The following LSAMP variants were observed in gnomAD, a reference collection of about 807,000 sequenced individuals.
The protein encoded by LSAMP is limbic system-associated membrane protein.
In LSAMP, 7 loss-of-function variants were observed where a neutral mutation model predicts 38.6. The observed-to-expected ratio is 0.18, with a 90% CI of 0.10 to 0.34. The LOEUF is 0.34. LSAMP is among the 10% of genes least tolerant of loss of function. The probability of loss-of-function intolerance (pLI) is 1.00; values close to 1 mark genes in which losing one functional copy is unlikely to be tolerated. For missense variants in LSAMP, 313 were observed against 420.0 expected (o/e 0.75, Z 2.23); for synonymous variants, 154 against 166.8 (o/e 0.92, Z 0.59).
chr3:116,359,441 G>A (rs371563008), intron 1 of LSAMP, among the ~76,000 whole-genome samples: 8 of 152,192 alleles, frequency 5.3e-5, no homozygotes, highest in African/African-American at 1.9e-4. Flanking sequence ...TGGTAAAACC[G>A]ACTGGATGTC....
rs114598826 is a variant in LSAMP, at chr3:116,088,113, A to C, written c.156-1557T>G. ...TTGCTGTGTTGTCCAGGCTAGCCTCAAGTGATCTTCCCAACTTGGCCTCCC... is the reference window on the plus strand; with the variant it reads ...TTGCTGTGTTGTCCAGGCTAGCCTCCAGTGATCTTCCCAACTTGGCCTCCC... On this transcript the variant is annotated intron_variant, in intron 1 of 6. Coordinates refer to ENST00000490035, the MANE Select transcript of LSAMP (RefSeq NM_002338.5). Among the ~76,000 whole-genome samples, 1,326 of 152,122 alleles carry C rather than the reference A, an allele frequency of 8.7e-3. 18 individuals are homozygous for C. The highest frequency in any genetic ancestry group is 0.028 in the African/African-American group (1,182 of 41,474).
At chr3:115,979,228 C>T (rs1432718918) in intron 3 of LSAMP, among the ~76,000 whole-genome samples, 2 of 151,506 alleles carry the variant, frequency 1.3e-5, no homozygotes, top group African/African-American at 2.4e-5. Flanking sequence ...ATAAGTTGGT[C>T]GTATTGAAGC....
intron 1 of LSAMP, among the ~76,000 whole-genome samples, chr3:116,230,835 T>C (rs963847723): frequency 2.6e-5 from 4 of 151,930 alleles, no homozygotes; most frequent in Non-Finnish European, 5.9e-5. Context: ...CAAGTAAAAA[T>C]TAATTAAAAT....
At chr3:116,058,598 A>C (rs146176966) in intron 2 of LSAMP, among the ~76,000 whole-genome samples, 122 of 152,298 alleles carry the variant, frequency 8.0e-4, no homozygotes, top group African/African-American at 2.9e-3. Flanking sequence ...CTCACAGAAA[A>C]TAGTCATCTT....
intron 1 of LSAMP, among the ~76,000 whole-genome samples, chr3:116,203,672 T>A (rs1329777352): frequency 6.6e-6 from 1 of 151,248 alleles, no homozygotes; most frequent in Non-Finnish European, 1.5e-5. Flanking sequence ...GTTCTTGCGA[T>A]AGTTTACTGA....
chr3:115,895,484 T>C (rs1347918307), intron 3 of LSAMP, among the ~76,000 whole-genome samples: 4 of 152,178 alleles, frequency 2.6e-5, no homozygotes, highest in Middle Eastern at 3.4e-3. Context: ...GGTTTCCAGA[T>C]TTAGTAAACA....
intron 3 of LSAMP, among the ~76,000 whole-genome samples, chr3:115,948,454 A>G (rs1174922468): frequency 6.6e-6 from 1 of 152,206 alleles, no homozygotes; most frequent in Non-Finnish European, 1.5e-5. Context: ...GTGAAATGAA[A>G]CTGGAAATTA....
chr3:115,971,833 G>T (rs1939029095), intron 3 of LSAMP, among the ~76,000 whole-genome samples: 1 of 152,046 alleles, frequency 6.6e-6, no homozygotes, highest in East Asian at 1.9e-4. Flanking sequence ...ATGAAGGAAT[G>T]AACAAATCAA....
intron 1 of LSAMP, among the ~76,000 whole-genome samples, chr3:116,258,526 AC>A (rs139410420): frequency 0.011 from 1,720 of 152,190 alleles, 28 homozygotes; most frequent in African/African-American, 0.039. Flanking sequence ...TTAAATTTTA[AC>A]AGAATTCTAA....
chr3:116,387,718 G>A (rs957019780), intron 1 of LSAMP, among the ~76,000 whole-genome samples: 3 of 152,030 alleles, frequency 2.0e-5, no homozygotes, highest in African/African-American at 7.3e-5. Context: ...AAATAATATA[G>A]AAACTGAAAT....
chr3:116,412,868 A>G (rs776090103), intron 1 of LSAMP, among the ~76,000 whole-genome samples: 4 of 152,018 alleles, frequency 2.6e-5, no homozygotes, highest in South Asian at 2.1e-4. Context: ...GCAGACATTA[A>G]CTCTTTGAAG....
chr3:115,847,163 C>G (rs547263248), intron 4 of LSAMP, among the ~76,000 whole-genome samples: 15 of 152,276 alleles, frequency 9.9e-5, no homozygotes, highest in African/African-American at 3.6e-4. Flanking sequence ...TCCAAGTCTA[C>G]CACTCACCAA....
At chr3:116,415,100 AT>A (rs914768856) in intron 1 of LSAMP, among the ~76,000 whole-genome samples, 2 of 151,884 alleles carry the variant, frequency 1.3e-5, no homozygotes, top group Non-Finnish European at 1.5e-5. Flanking sequence ...GAAAAAAAAA[AT>A]CTGCTTAATT....
intron 3 of LSAMP, among the ~76,000 whole-genome samples, chr3:115,873,374 C>T (rs1936098931): frequency 7.3e-6 from 1 of 136,142 alleles, no homozygotes; most frequent in Non-Finnish European, 1.5e-5. Context: ...CAGAGTGAGG[C>T]TCTGAAAAAA....
intron 1 of LSAMP, among the ~76,000 whole-genome samples, chr3:116,381,145 T>A (rs1323382627): frequency 6.6e-6 from 1 of 152,060 alleles, no homozygotes; most frequent in African/African-American, 2.4e-5. Context: ...GAGAGAAAAA[T>A]TTAATCTAGA....
chr3:115,989,586 A>C (rs1939609783), intron 3 of LSAMP, among the ~76,000 whole-genome samples: 1 of 152,102 alleles, frequency 6.6e-6, no homozygotes, highest in Admixed American at 6.6e-5. Context: ...TATAGTGCTA[A>C]AGAAAAAAAT....
chr3:115,873,525 A>C (rs1936103914), intron 3 of LSAMP, among the ~76,000 whole-genome samples: 1 of 152,076 alleles, frequency 6.6e-6, no homozygotes. Context: ...ATTCCAAAAT[A>C]TGAGCTATTT....
chr3:116,390,023 T>A (rs2048672178), intron 1 of LSAMP, among the ~76,000 whole-genome samples: 1 of 152,102 alleles, frequency 6.6e-6, no homozygotes, highest in Admixed American at 6.6e-5. Context: ...ATGCTACAGA[T>A]AGAAATTTCT....
chr3:116,247,488 C>T lies in LSAMP; in HGVS notation c.156-160932G>A, dbSNP rs190087940. 1.6e-3 allele frequency among the ~76,000 whole-genome samples: 237 copies of T among 152,136 alleles called. 2 individuals carry two copies. Among genetic ancestry groups the T allele is most frequent in the African/African-American group, 5.3e-3 (220 of 41,492 alleles). On this transcript the variant is annotated intron_variant, in intron 1 of 6. Coordinates refer to ENST00000490035, the MANE Select transcript of LSAMP (RefSeq NM_002338.5). The stretch of plus-strand genomic sequence containing the variant: ...GTTTACATGTCAAGAGGCATTTTTG[C>T]CTACTTGGGAATGAAAATCTTACAA...
Sources: gnomAD v4.1 joint callset for allele counts (sites outside exome capture counted in the v4.1 genomes callset) on GRCh38, gnomAD v4.1.1 for gene constraint, MANE v1.5 for transcripts, NCBI Gene and HGNC (gene_info 2026-07-23, HGNC 2026-07-21) for gene names.